LIN54: variants seen among roughly 807,000 people sequenced by gnomAD.
The protein encoded by LIN54 is lin-54 DREAM MuvB core complex component.
In LIN54, 9 loss-of-function variants were observed where a neutral mutation model predicts 78.7. The ratio of observed to expected loss-of-function variants is 0.11; its 90% confidence interval spans 0.07 to 0.20. The LOEUF (loss-of-function observed/expected upper bound fraction) is 0.20. LIN54 is among the 10% of genes least tolerant of loss of function. The probability of loss-of-function intolerance (pLI) is 1.00; values close to 1 mark genes in which losing one functional copy is unlikely to be tolerated. For missense variants in LIN54, 573 were observed against 889.9 expected, an observed-to-expected ratio of 0.64 and a Z score of 4.53; for synonymous variants, 269 against 318.4, an observed-to-expected ratio of 0.84 and a Z score of 1.65.
intron 4 of LIN54, among the ~76,000 whole-genome samples, chr4:82,948,795 TTC>T (rs1233382955): frequency 6.6e-6 from 1 of 152,218 alleles, no homozygotes; most frequent in Non-Finnish European, 1.5e-5. Context: ...ATATTTTTCT[TTC>T]TGTTTCTCTT....
chr4:82,942,950 T>C (rs568990657), intron 5 of LIN54, among the ~76,000 whole-genome samples: 2 of 150,472 alleles, frequency 1.3e-5, no homozygotes, highest in African/African-American at 2.4e-5. Context: ...TTACATAGGT[T>C]TGACACTTGC....
intron 4 of LIN54, among the ~76,000 whole-genome samples, chr4:82,961,688 C>G (rs1236429916): frequency 3.3e-5 from 5 of 152,202 alleles, no homozygotes; most frequent in African/African-American, 1.2e-4. Context: ...GGCGTGGTGG[C>G]TCACGCCTGT....
intron 3 of LIN54, among the ~76,000 whole-genome samples, chr4:82,974,681 G>C (rs369501831): frequency 6.6e-6 from 1 of 152,116 alleles, no homozygotes; most frequent in Admixed American, 6.5e-5. Context: ...AGGTTGCAGT[G>C]AGCCACGATC....
At chr4:82,930,757 C>T (rs879234282) in intron 12 of LIN54, among the ~76,000 whole-genome samples, 186 bp downstream of exon 12, 1 of 152,144 alleles carries the variant, frequency 6.6e-6, no homozygotes, top group African/African-American at 2.4e-5. Context: ...CATTTTCGAA[C>T]TGCACAATAA....
Position 82,978,895 on chromosome 4 carries a change from G to A in LIN54, c.796C>T (p.Pro266Ser). ...VTGQTTQVSPPVIAGRVLSQS... is the reference protein window; with the variant it reads ...VTGQTTQVSPSVIAGRVLSQS... ...AAAGAAATATAACCTGCAATAACTG[G>A]TGGTGAAACTTGAGTTGTCTGTCCT... Residue 266 changes from proline to serine, a missense_variant, in exon 3 of 13, where the codon CCA (proline) becomes TCA (serine). Pro to Ser is a moderately conservative substitution (Grantham distance 74). This residue lies in a region of LIN54 where 199 missense variants were observed against 260.9 expected (regional missense o/e 0.76). Coordinates refer to ENST00000340417, the MANE Select transcript of LIN54 (RefSeq NM_194282.4). 1 of 1,546,466 alleles carries A rather than the reference G, an allele frequency of 6.5e-7. No homozygotes were observed.
intron 1 of LIN54, among the ~76,000 whole-genome samples, chr4:82,988,884 T>C (rs1727419108): frequency 6.6e-6 from 1 of 152,130 alleles, no homozygotes; most frequent in Non-Finnish European, 1.5e-5. Context: ...TAAATTTTTT[T>C]TTCTTTTAAA....
intron 1 of LIN54, among the ~76,000 whole-genome samples, chr4:83,004,445 C>T (rs927745504): frequency 5.4e-5 from 8 of 147,442 alleles, no homozygotes; most frequent in Admixed American, 2.0e-4. Flanking sequence ...GAAAACTGCA[C>T]ATCTGCGCTA....
intron 4 of LIN54, among the ~76,000 whole-genome samples, chr4:82,948,659 T>A (rs1723602225): frequency 6.6e-6 from 1 of 152,180 alleles, no homozygotes; most frequent in Non-Finnish European, 1.5e-5. Context: ...CACTTGTTCA[T>A]CCTACATATT....
intron 10 of LIN54, 53 bp from the exon 11 acceptor site, chr4:82,936,171 T>G (rs1407267289): frequency 6.2e-7 from 1 of 1,601,432 alleles, no homozygotes; most frequent in African/African-American, 1.3e-5. Flanking sequence ...AGATGAAATT[T>G]AAACACTGCA....
chr4:82,981,190 T>C (rs1726601008), intron 2 of LIN54, among the ~76,000 whole-genome samples: 1 of 152,170 alleles, frequency 6.6e-6, no homozygotes, highest in African/African-American at 2.4e-5. Flanking sequence ...TCAAATAATA[T>C]ATACAAGTAA....
At position 82,987,521 on chromosome 4, in the gene LIN54, C is replaced by T. The variant is rs146540841; in HGVS notation, c.-32-2645G>A. Among the ~76,000 whole-genome samples, 750 of 152,192 alleles carry T rather than the reference C, an allele frequency of 4.9e-3. 9 individuals are homozygous for T. Among genetic ancestry groups the T allele is most frequent in the African/African-American group, 0.017 (694 of 41,524 alleles). ...ACCTGTTGACCCCACCTCTAAGTTCCCTCCCCTTGACCCCAACCCCCCACC... is the reference window on the plus strand; with the variant it reads ...ACCTGTTGACCCCACCTCTAAGTTCTCTCCCCTTGACCCCAACCCCCCACC... On this transcript the variant is annotated intron_variant, in intron 1 of 12. Transcript: ENST00000340417.
chr4:83,006,908 G>A (rs1729441132), intron 1 of LIN54, among the ~76,000 whole-genome samples: 1 of 152,226 alleles, frequency 6.6e-6, no homozygotes, highest in Non-Finnish European at 1.5e-5. Context: ...GGGAGGCTGA[G>A]GTTGGTGGAT....
rs1488997904 is a variant in LIN54 at position 82,925,205 on chromosome 4, A to G, written c.*2897T>C. The G allele has an allele frequency of 2.0e-5, 3 of 152,400 alleles. No individual in the cohort carries two copies. Among genetic ancestry groups the G allele is most frequent in the Non-Finnish European group, 4.4e-5 (3 of 67,996 alleles). The allele number at this position is 152,400 out of a possible 1,614,324, so 9.4% of individuals were successfully genotyped here. Reference sequence around the variant, plus strand: ...TCACATTAAAAGACAGAGTAGATTGATTTTCTAGGTATTTTTGTTTTTGAG... The same window carrying G: ...TCACATTAAAAGACAGAGTAGATTGGTTTTCTAGGTATTTTTGTTTTTGAG... On this transcript the variant is annotated 3_prime_UTR_variant, in exon 13 of 13. Coordinates refer to ENST00000340417, the MANE Select transcript of LIN54 (RefSeq NM_194282.4).
intron 3 of LIN54, among the ~76,000 whole-genome samples, chr4:82,972,947 C>CA (rs1725795362): frequency 1.7e-5 from 2 of 120,906 alleles, no homozygotes; most frequent in Non-Finnish European, 1.7e-5. Context: ...AAGAATCCCT[C>CA]TAAAAAAAAA....
At chr4:83,002,312 G>T (rs1040344856) in intron 1 of LIN54, among the ~76,000 whole-genome samples, 2 of 151,536 alleles carry the variant, frequency 1.3e-5, no homozygotes, top group Non-Finnish European at 2.9e-5. Flanking sequence ...GAGGCATGAG[G>T]ATCGCCTAAG....
At chr4:82,990,658 T>C (rs1170386233) in intron 1 of LIN54, among the ~76,000 whole-genome samples, 2 of 152,004 alleles carry the variant, frequency 1.3e-5, no homozygotes, top group Non-Finnish European at 2.9e-5. Flanking sequence ...TAATTTTTTG[T>C]ATTTTTAGTA....
chr4:82,980,296 ATATTAAT>A (rs1476960315), intron 2 of LIN54, among the ~76,000 whole-genome samples: 2 of 152,158 alleles, frequency 1.3e-5, no homozygotes, highest in African/African-American at 2.4e-5. Flanking sequence ...AGAACATTAA[ATATTAAT>A]TATATCTTTT....
chr4:82,965,088 A>T (rs1578560767), intron 4 of LIN54, among the ~76,000 whole-genome samples: 1 of 152,258 alleles, frequency 6.6e-6, no homozygotes, highest in East Asian at 1.9e-4. Context: ...TTCTGAGAGA[A>T]ATTGAAAAGG....
intron 1 of LIN54, among the ~76,000 whole-genome samples, chr4:82,998,940 T>A (rs1009070997): frequency 4.6e-5 from 7 of 152,142 alleles, no homozygotes; most frequent in African/African-American, 1.7e-4. Context: ...ACAAATTATA[T>A]CATTTGCAGT....
Sources: allele counts gnomAD v4.1 joint callset (sites outside exome capture counted in the v4.1 genomes callset), GRCh38; gene constraint gnomAD v4.1.1; regional missense constraint gnomAD v4.1.1; transcripts MANE v1.5; gene names NCBI Gene and HGNC (gene_info 2026-07-23, HGNC 2026-07-21).